Variants in PDIA6 observed in about 807,000 individuals in gnomAD.
PDIA6 encodes the protein protein disulfide isomerase family A member 6, also known as protein disulfide-isomerase A6.
A neutral mutation model predicts 58.4 loss-of-function variants in PDIA6; 29 were observed. That is an observed-to-expected ratio of 0.50 (90% CI 0.37 to 0.68). PDIA6 has a LOEUF of 0.68. Ranked by LOEUF, PDIA6 falls within the 30% of genes least tolerant of loss-of-function variation. The pLI, the probability that PDIA6 is intolerant of heterozygous loss-of-function variation, is 0.00. For synonymous variants in PDIA6, 192 were observed against 202.6 expected (o/e 0.95, Z 0.44); for missense variants, 480 against 551.0 (o/e 0.87, Z 1.29).
intron 1 of PDIA6, among the ~76,000 whole-genome samples, chr2:10,831,187 G>A (rs549129282): frequency 4.6e-5 from 7 of 152,196 alleles, no homozygotes; most frequent in East Asian, 1.9e-4. Context: ...TAGGGCGGGC[G>A]TTGATGAGCG....
intron 1 of PDIA6, chr2:10,821,387 GA>G (rs1373442249): frequency 6.5e-6 from 1 of 153,700 alleles, no homozygotes; most frequent in African/African-American, 2.4e-5. Context: ...TAATTGCTGT[GA>G]AGCCAAGGGG....
chr2:10,834,537 G>A (rs891771001), upstream of PDIA6, among the ~76,000 whole-genome samples: 1 of 152,120 alleles, frequency 6.6e-6, no homozygotes, highest in African/African-American at 2.4e-5. Context: ...GACTGACAGG[G>A]TGCTTAGTAA....
upstream of PDIA6, among the ~76,000 whole-genome samples, chr2:10,814,571 A>AT (rs988130836): frequency 6.6e-6 from 1 of 151,978 alleles, no homozygotes; most frequent in Non-Finnish European, 1.5e-5. Context: ...CATTTGACAC[A>AT]TTTCCCCCCT....
At chr2:10,790,097 G>C (rs1665963999) in intron 7 of PDIA6, among the ~76,000 whole-genome samples, 1 of 151,434 alleles carries the variant, frequency 6.6e-6, no homozygotes, top group African/African-American at 2.4e-5. Context: ...TCCTACTTCA[G>C]CCTCCTGAGT....
intron 5 of PDIA6, 134 bp from the exon 6 acceptor site, chr2:10,792,059 T>C (rs1318049390): frequency 5.2e-6 from 5 of 962,360 alleles, no homozygotes; most frequent in Admixed American, 2.4e-5. Context: ...GTGAAAACGG[T>C]TGTATTCAAA....
At chr2:10,830,153 T>A (rs1667670483) in intron 1 of PDIA6, among the ~76,000 whole-genome samples, 2 of 152,224 alleles carry the variant, frequency 1.3e-5, no homozygotes, top group Non-Finnish European at 2.9e-5. Flanking sequence ...TGCACCCGCA[T>A]GTAGAAGCAG....
chr2:10,792,703 G>T (rs750106055), intron 5 of PDIA6, among the ~76,000 whole-genome samples: 2 of 150,386 alleles, frequency 1.3e-5, no homozygotes, highest in Non-Finnish European at 3.0e-5. Flanking sequence ...CATGGATTTG[G>T]GGCTGACTGC....
chr2:10,786,317 G>A (rs559755892), intron 11 of PDIA6, among the ~76,000 whole-genome samples: 2 of 124,576 alleles, frequency 1.6e-5, no homozygotes, highest in East Asian at 2.3e-4. Context: ...TGTCTCGGGG[G>A]TGGGGGGGAA....
chr2:10,790,298 G>C lies in PDIA6; in HGVS notation c.700-409C>G, dbSNP rs187713821. Among the ~76,000 whole-genome samples the C allele has an allele frequency of 3.7e-3, 556 of 152,170 alleles. 5 individuals are homozygous for C. Among genetic ancestry groups the C allele is most frequent in the African/African-American group, 0.013 (538 of 41,514 alleles). On this transcript the variant is annotated intron_variant, in intron 7 of 12. Coordinates refer to ENST00000272227, the MANE Select transcript of PDIA6 (RefSeq NM_005742.4). ...ATAGGTAATTTAATGTAACAAAACT[G>C]TTCTCCAGACTGCACAGATTTCAAA...
rs188977575 is a variant in PDIA6 at position 10,797,437 on chromosome 2, T to G, written c.220-230A>C. On this transcript the variant is annotated intron_variant, in intron 3 of 12. Coordinates refer to ENST00000272227, the MANE Select transcript of PDIA6 (RefSeq NM_005742.4). ...CTGCAGCTCACAGAATTGGCAGGGC[T>G]GAGAGTAACTGTCATTTATCTGGGA... Among the ~76,000 whole-genome samples the G allele has an allele frequency of 2.5e-3, 374 of 152,338 alleles. 2 individuals carry two copies. The highest frequency in any genetic ancestry group is 5.9e-3 in the Admixed American group (90 of 15,300).
At chr2:10,834,853 G>A (rs1248177300), upstream of PDIA6, among the ~76,000 whole-genome samples, 4 of 151,544 alleles carry the variant, frequency 2.6e-5, no homozygotes, top group East Asian at 1.9e-4. Context: ...CGCAACCTCC[G>A]CCTCCCAAGT....
At chr2:10,795,067 A>C (rs1572662896) in intron 4 of PDIA6, among the ~76,000 whole-genome samples, 1 of 152,210 alleles carries the variant, frequency 6.6e-6, no homozygotes, top group Admixed American at 6.5e-5. Context: ...TCAACATGAA[A>C]CAGCCTCTGC....
intron 1 of PDIA6, among the ~76,000 whole-genome samples, chr2:10,805,947 T>G (rs1418206942): frequency 1.0e-4 from 9 of 88,188 alleles, no homozygotes; most frequent in African/African-American, 3.1e-4. Context: ...CATCGGGAGA[T>G]ATACCTAATG....
rs1286422550 is a variant in PDIA6 at position 10,820,013 on chromosome 2, G to A, written c.-47-659C>T. On this transcript the variant is annotated intron_variant, in intron 1 of 13. Coordinates refer to the PDIA6 transcript ENST00000381611. ...TCACAGCAGCCCTGCAGTTAGATAT[G>A]ACTAGTCTCACTTTACCGAGGGAGA... is the stretch of plus-strand genomic sequence containing the variant. Among the ~76,000 whole-genome samples the A allele has an allele frequency of 2.0e-5, 3 of 152,202 alleles. No individual in the cohort carries two copies. In the East Asian group the frequency reaches 5.8e-4, roughly 29 times the overall value.
intron 2 of PDIA6, among the ~76,000 whole-genome samples, chr2:10,818,803 G>A (rs890677892): frequency 2.0e-5 from 3 of 152,012 alleles, no homozygotes; most frequent in Non-Finnish European, 2.9e-5. Context: ...GATTATAGGC[G>A]TGAGCCACCA....
intron 1 of PDIA6, 123 bp from the exon 2 acceptor site, chr2:10,802,763 G>T: frequency 1.6e-6 from 1 of 630,992 alleles, no homozygotes; most frequent in Middle Eastern, 2.7e-4. Context: ...GCCTAGCTCT[G>T]GCCCCTCTGC....
At chr2:10,792,147 T>C (rs1666064091) in intron 5 of PDIA6, among the ~76,000 whole-genome samples, 1 of 152,198 alleles carries the variant, frequency 6.6e-6, no homozygotes, top group South Asian at 2.1e-4. Context: ...ATACATTCAG[T>C]ACAACACATA....
chr2:10,836,540 A>T (rs1468244162), upstream of PDIA6, among the ~76,000 whole-genome samples: 4 of 128,688 alleles, frequency 3.1e-5, no homozygotes, highest in Non-Finnish European at 6.4e-5. Flanking sequence ...AAACTTTTGC[A>T]GGCTTTTTTT....
At chr2:10,825,615 T>C (rs1358970478) in intron 1 of PDIA6, among the ~76,000 whole-genome samples, 1 of 152,134 alleles carries the variant, frequency 6.6e-6, no homozygotes, top group African/African-American at 2.4e-5. Context: ...TAAGGAATGA[T>C]TACAACTCAA....
Sources: allele counts gnomAD v4.1 joint callset (sites outside exome capture counted in the v4.1 genomes callset), GRCh38; gene constraint gnomAD v4.1.1; transcripts MANE v1.5; gene names NCBI Gene and HGNC (gene_info 2026-07-23, HGNC 2026-07-21).